DEUP1: variants seen among roughly 807,000 people sequenced by gnomAD.
DEUP1 encodes coiled-coil domain containing 67.
Under a neutral mutation model 87.4 loss-of-function variants are expected in DEUP1, and 82 were observed. The observed-to-expected ratio is 0.94, with a 90% CI of 0.78 to 1.13. The LOEUF (loss-of-function observed/expected upper bound fraction) is 1.13. Ranked by LOEUF, DEUP1 falls within the 50% of genes most tolerant of loss-of-function variation. The pLI, the probability that DEUP1 is intolerant of heterozygous loss-of-function variation, is 0.00. For synonymous variants in DEUP1, 214 were observed against 222.7 expected (o/e 0.96, Z 0.35); for missense variants, 663 against 681.5 (o/e 0.97, Z 0.30).
At chr11:93,418,034 G>T (rs533449376) in intron 13 of DEUP1, among the ~76,000 whole-genome samples, 1 of 152,164 alleles carries the variant, frequency 6.6e-6, no homozygotes, top group African/African-American at 2.4e-5. Context: ...ATCAATTCAA[G>T]ATGGATTAAA....
chr11:93,385,471 T>C lies in DEUP1; in HGVS notation c.863T>C (p.Met288Thr). ...GATGATCTCTTGAGAATTATAGAAA[T>C]GGAACGATTGCAATTACACAGAGAA... Reference protein sequence around the residue: ...SRDDLLRIIEMERLQLHRELL... With the variant: ...SRDDLLRIIETERLQLHRELL... The change falls in exon 8 of 14, where the codon ATG becomes ACG. Residue 288 changes from methionine to threonine, a missense_variant. Physicochemically the swap from Met to Thr is moderately conservative, Grantham distance 81. Coordinates refer to ENST00000298050, the MANE Select transcript of DEUP1 (RefSeq NM_181645.4). 1 of 1,612,060 alleles carries C rather than the reference T, an allele frequency of 6.2e-7. No individual in the cohort carries two copies. Among genetic ancestry groups the C allele is most frequent in the South Asian group, 1.1e-5 (1 of 90,730 alleles).
intron 13 of DEUP1, among the ~76,000 whole-genome samples, chr11:93,420,766 A>G (rs2134472499): frequency 7.6e-6 from 1 of 131,164 alleles, no homozygotes; most frequent in South Asian, 2.9e-4. Flanking sequence ...TTATACACCA[A>G]TAACAGACAA....
chr11:93,377,447 TG>T (rs1946090882), intron 7 of DEUP1, among the ~76,000 whole-genome samples: 1 of 152,160 alleles, frequency 6.6e-6, no homozygotes. Context: ...TGCTTGCTTT[TG>T]GTGTCCATTT....
chr11:93,377,879 T>C (rs1946114948), intron 7 of DEUP1, among the ~76,000 whole-genome samples: 1 of 152,204 alleles, frequency 6.6e-6, no homozygotes, highest in Non-Finnish European at 1.5e-5. Flanking sequence ...TTTCACTGGA[T>C]ACAAAATTCT....
chr11:93,394,169 C>T (rs1946863628), intron 9 of DEUP1, among the ~76,000 whole-genome samples: 1 of 152,124 alleles, frequency 6.6e-6, no homozygotes, highest in South Asian at 2.1e-4. Flanking sequence ...CTTGATAATA[C>T]TTTCTTTACC....
intron 8 of DEUP1, among the ~76,000 whole-genome samples, chr11:93,386,888 C>A (rs1164918306): frequency 6.6e-6 from 1 of 152,124 alleles, no homozygotes; most frequent in Non-Finnish European, 1.5e-5. Flanking sequence ...CCAATCAACC[C>A]ATGTCTAGCT....
At chr11:93,420,086 C>A (rs1187950873) in intron 13 of DEUP1, among the ~76,000 whole-genome samples, 1 of 152,100 alleles carries the variant, frequency 6.6e-6, no homozygotes, top group African/African-American at 2.4e-5. Flanking sequence ...CATCCTGATA[C>A]CAAAGCCTGG....
intron 13 of DEUP1, among the ~76,000 whole-genome samples, chr11:93,431,082 C>T (rs531423639): frequency 8.9e-5 from 10 of 112,190 alleles, no homozygotes; most frequent in South Asian, 2.9e-4. Flanking sequence ...GGCAACAGAG[C>T]GAAACACTGT....
intron 9 of DEUP1, among the ~76,000 whole-genome samples, chr11:93,393,728 TAGAAAG>T (rs940789191): frequency 2.6e-5 from 4 of 152,084 alleles, no homozygotes; most frequent in African/African-American, 9.7e-5. Context: ...TAATGGTTTC[TAGAAAG>T]ATGCTAAGAG....
chr11:93,354,933 T>C (rs962001349), intron 2 of DEUP1, among the ~76,000 whole-genome samples: 1 of 152,156 alleles, frequency 6.6e-6, no homozygotes, highest in African/African-American at 2.4e-5. Flanking sequence ...GGAGCCATAC[T>C]ATAGCCCAGT....
Position 93,394,473 on chromosome 11 carries a change from C to T in DEUP1, c.1056C>T (p.Leu352=). The change falls in exon 10 of 14, where the codon CTC becomes CTT. Residue 352 remains leucine, a synonymous_variant. Transcript: ENST00000298050. ...EKELNKIRSQ[L]QQVEEYHNSE... ...ATCTGCTGCAGATAAGAAGCCAACT[C>T]CAACAGGTGGAAGAGTACCATAACT... 1 of 1,571,526 alleles carries T rather than the reference C, an allele frequency of 6.4e-7. No homozygotes were observed. The highest frequency in any genetic ancestry group is 8.6e-7 in the Non-Finnish European group (1 of 1,163,742).
chr11:93,418,847 C>T (rs533199456), intron 13 of DEUP1, among the ~76,000 whole-genome samples: 178 of 152,104 alleles, frequency 1.2e-3, no homozygotes, highest in Middle Eastern at 0.01. Context: ...GAATGCTATG[C>T]AGCCATAAAA....
At chr11:93,376,354 T>C (rs1198092433) in intron 7 of DEUP1, among the ~76,000 whole-genome samples, 1 of 152,056 alleles carries the variant, frequency 6.6e-6, no homozygotes, top group African/African-American at 2.4e-5. Context: ...TCTGGGAGGG[T>C]TGTATATTTC....
At chr11:93,366,840 C>G (rs1591149800) in intron 5 of DEUP1, among the ~76,000 whole-genome samples, 1 of 152,098 alleles carries the variant, frequency 6.6e-6, no homozygotes, top group East Asian at 1.9e-4. Flanking sequence ...TTATCTAAAA[C>G]CTGTGAACAG....
At chr11:93,381,832 A>G (rs1225545478) in intron 7 of DEUP1, among the ~76,000 whole-genome samples, 1 of 152,178 alleles carries the variant, frequency 6.6e-6, no homozygotes, top group Non-Finnish European at 1.5e-5. Flanking sequence ...ATAACAATAT[A>G]TTTTATTCAA....
Position 93,402,652 on chromosome 11 carries a change from C to T in DEUP1, c.1327-5579C>T, listed in dbSNP as rs914330367. On this transcript the variant is annotated intron_variant, in intron 11 of 13. Transcript: ENST00000298050. ...TGGATTAAGAAATGTGGTATATATACACAATGGAATATTATTCAGCCAGAA... is the reference window on the plus strand; with the variant it reads ...TGGATTAAGAAATGTGGTATATATATACAATGGAATATTATTCAGCCAGAA... Among the ~76,000 whole-genome samples, 4 of 151,762 alleles carry T rather than the reference C, an allele frequency of 2.6e-5. No individual in the cohort carries two copies. The South Asian group carries it at 6.2e-4, about 24-fold the overall frequency.
chr11:93,390,863 C>T (rs779458905), intron 9 of DEUP1, among the ~76,000 whole-genome samples: 1 of 152,090 alleles, frequency 6.6e-6, no homozygotes, highest in Non-Finnish European at 1.5e-5. Flanking sequence ...GCAGGCAGAT[C>T]ACCAGGTCAG....
At chr11:93,399,014 C>T (rs1013522843) in intron 11 of DEUP1, among the ~76,000 whole-genome samples, 7 of 152,048 alleles carry the variant, frequency 4.6e-5, no homozygotes, top group Admixed American at 2.0e-4. Flanking sequence ...TGAGCCACCC[C>T]GTCCACCCTC....
chr11:93,338,187 G>A (rs1242051364), intron 2 of DEUP1, among the ~76,000 whole-genome samples: 6 of 152,104 alleles, frequency 3.9e-5, no homozygotes, highest in Admixed American at 1.3e-4. Context: ...TCAAGAAGCA[G>A]AAGGAAAAGG....
Sources: allele counts gnomAD v4.1 joint callset (sites outside exome capture counted in the v4.1 genomes callset), GRCh38; gene constraint gnomAD v4.1.1; transcripts MANE v1.5; gene names NCBI Gene and HGNC (gene_info 2026-07-23, HGNC 2026-07-21).